RFX4: variants seen among roughly 807,000 people sequenced by gnomAD.
The protein encoded by RFX4 is regulatory factor X4, also known as transcription factor RFX4.
RFX4 carries 10 observed loss-of-function variants against 95.0 expected under a neutral mutation model. That is an observed-to-expected ratio of 0.11 (90% confidence interval 0.06 to 0.18). The LOEUF (loss-of-function observed/expected upper bound fraction) is 0.18, where lower values mean the gene tolerates loss of function less well. RFX4 is among the 10% of genes least tolerant of loss of function. The pLI, the probability that RFX4 is intolerant of heterozygous loss-of-function variation, is 1.00. For missense variants in RFX4, 640 were observed against 922.0 expected (o/e 0.69, Z 3.96); for synonymous variants, 321 against 340.7 (o/e 0.94, Z 0.64).
intron 17 of RFX4, among the ~76,000 whole-genome samples, chr12:106,753,588 G>C (rs2043052065): frequency 6.6e-6 from 1 of 152,238 alleles, no homozygotes; most frequent in Non-Finnish European, 1.5e-5. Context: ...TCCTGAACAC[G>C]TGTTGTATGC....
intron 6 of RFX4, among the ~76,000 whole-genome samples, chr12:106,689,020 A>C (rs1053593221): frequency 6.6e-6 from 1 of 152,118 alleles, no homozygotes; most frequent in Non-Finnish European, 1.5e-5. Flanking sequence ...CAGGGGGTGG[A>C]AAATGGGGGC....
chr12:106,750,612 C>A, intron 16 of RFX4, 43 bp from the exon 17 acceptor site: 1 of 1,486,232 alleles, frequency 6.7e-7, no homozygotes, highest in Non-Finnish European at 9.0e-7. Context: ...CTGATCTGTT[C>A]TTGCTATTAC....
chr12:106,612,519 T>C (rs2039981007), intron 2 of RFX4, among the ~76,000 whole-genome samples: 1 of 152,168 alleles, frequency 6.6e-6, no homozygotes, highest in African/African-American at 2.4e-5. Flanking sequence ...TGGGTATGTG[T>C]TAAATCTTTG....
At chr12:106,656,743 T>G (rs1418141587) in intron 4 of RFX4, among the ~76,000 whole-genome samples, 1 of 152,164 alleles carries the variant, frequency 6.6e-6, no homozygotes, top group African/African-American at 2.4e-5. Flanking sequence ...AATGTCTCTC[T>G]TCTGCGATCT....
At chr12:106,665,786 T>A (rs1476681552) in intron 4 of RFX4, among the ~76,000 whole-genome samples, 1 of 150,012 alleles carries the variant, frequency 6.7e-6, no homozygotes, top group Non-Finnish European at 1.5e-5. Flanking sequence ...AATGAGAAAA[T>A]CATAACTTTT....
At chr12:106,724,089 G>A (rs1358570614) in intron 13 of RFX4, among the ~76,000 whole-genome samples, 1 of 152,170 alleles carries the variant, frequency 6.6e-6, no homozygotes, top group African/African-American at 2.4e-5. Context: ...CGTGAGGTCT[G>A]AATTACTGCC....
chr12:106,628,279 C>G (rs2040345189), intron 2 of RFX4, among the ~76,000 whole-genome samples: 1 of 152,176 alleles, frequency 6.6e-6, no homozygotes, highest in Non-Finnish European at 1.5e-5. Context: ...CCCCTCCACC[C>G]TCCATTTAGT....
At chr12:106,689,440 C>T (rs1485031400) in intron 7 of RFX4, 76 bp downstream of exon 7, 15 of 1,200,940 alleles carry the variant, frequency 1.2e-5, no homozygotes, top group Non-Finnish European at 1.6e-5. Context: ...TCATGAGCTC[C>T]TGCTAGGTGC....
At chr12:106,597,689 T>C (rs1177302665) in intron 1 of RFX4, among the ~76,000 whole-genome samples, 1 of 152,132 alleles carries the variant, frequency 6.6e-6, no homozygotes, top group Non-Finnish European at 1.5e-5. Context: ...TTAACTATTA[T>C]ACTGACATTA....
intron 15 of RFX4, among the ~76,000 whole-genome samples, chr12:106,742,410 T>C (rs1289322993): frequency 6.6e-6 from 1 of 152,150 alleles, no homozygotes; most frequent in African/African-American, 2.4e-5. Context: ...CTCAAACTCC[T>C]GGGCTCAAGA....
chr12:106,627,879 C>T (rs756126294), intron 2 of RFX4, among the ~76,000 whole-genome samples: 57 of 152,118 alleles, frequency 3.7e-4, no homozygotes, highest in Admixed American at 5.9e-4. Flanking sequence ...AAATGCCCTG[C>T]CAATAGCAGA....
At chr12:106,589,504 A>C (rs2039508653) in intron 1 of RFX4, among the ~76,000 whole-genome samples, 1 of 152,196 alleles carries the variant, frequency 6.6e-6, no homozygotes, top group Admixed American at 6.5e-5. Context: ...CACATTAGCC[A>C]TTGAAGCCTT....
intron 8 of RFX4, among the ~76,000 whole-genome samples, chr12:106,702,191 G>A (rs2042005515): frequency 6.6e-6 from 1 of 151,828 alleles, no homozygotes; most frequent in Admixed American, 6.6e-5. Context: ...TGATTGTTTT[G>A]TTTCTTGACA....
chr12:106,614,474 T>C (rs1045365914), intron 2 of RFX4, among the ~76,000 whole-genome samples: 16 of 134,590 alleles, frequency 1.2e-4, no homozygotes, highest in African/African-American at 4.2e-4. Context: ...TCACGTCTTT[T>C]GCCTGTGTGT....
chr12:106,756,906 C>T (rs926348917), intron 17 of RFX4, among the ~76,000 whole-genome samples: 4 of 152,200 alleles, frequency 2.6e-5, no homozygotes, highest in East Asian at 3.8e-4. Flanking sequence ...TTTCTCTCCC[C>T]ATTATATTCC....
In RFX4 at chr12:106,708,879, G is replaced by A. The variant is rs545864627; in HGVS notation, c.834-451G>A. On this transcript the variant is annotated intron_variant, in intron 8 of 17. Transcript: ENST00000392842. ...TTGTTTGCTAATTTAAAAATATGCT[G>A]TTGCTTCCCAGTTCCCACCAAATGG... is the stretch of plus-strand genomic sequence containing the variant. Among the ~76,000 whole-genome samples the A allele has an allele frequency of 3.3e-5, 5 of 152,266 alleles. No homozygotes were observed. In the East Asian group the frequency reaches 9.7e-4, roughly 29 times the overall value.
chr12:106,639,309 C>T lies in RFX4; in HGVS notation c.131-23C>T, dbSNP rs757658172. 11 of 1,607,866 alleles carry T rather than the reference C, an allele frequency of 6.8e-6. No homozygotes were observed. The African/African-American group carries it at 1.1e-4, about 16-fold the overall frequency. On this transcript the variant is annotated intron_variant, in intron 2 of 17. Transcript: ENST00000392842. ...TCCTACTGTTTCCTACTGAAGTTAG[C>T]TTCTTTTTCTTTCCTTTAACAGATG...
intron 8 of RFX4, among the ~76,000 whole-genome samples, chr12:106,698,745 T>C (rs2041932613): frequency 6.6e-6 from 1 of 151,900 alleles, no homozygotes; most frequent in South Asian, 2.1e-4. Context: ...TTTTAATATC[T>C]GTAGGCTCTG....
At position 106,583,145 on chromosome 12, in the gene RFX4, CTCT is replaced by C. The variant is rs1156456159; in HGVS notation, c.-171_-169del. On this transcript the variant is annotated 5_prime_UTR_variant, in exon 1 of 18. Transcript: ENST00000392842. ...TCTTTTCTTCTTTCTCTTTTCTTTC[CTCT>C]TCTTTTTCTTTTCTTTTCCTTTCCT... The C allele has an allele frequency of 2.2e-5, 11 of 500,644 alleles. No homozygotes were observed. The highest frequency in any genetic ancestry group is 1.8e-4 in the African/African-American group (9 of 49,870). The allele number at this position is 500,644 out of a possible 1,614,324, so 31.0% of individuals were successfully genotyped here. A position where few individuals can be genotyped will look rare whatever the true frequency, so the allele number is the denominator to read the frequency against.
Sources: gnomAD v4.1 joint callset for allele counts (sites outside exome capture counted in the v4.1 genomes callset) on GRCh38, gnomAD v4.1.1 for gene constraint, MANE v1.5 for transcripts, NCBI Gene and HGNC (gene_info 2026-07-23, HGNC 2026-07-21) for gene names.